The following PTPRJ variants were observed in gnomAD, a reference collection of about 807,000 sequenced individuals.
PTPRJ encodes the protein protein tyrosine phosphatase receptor type J.
Under a neutral mutation model 141.3 loss-of-function variants are expected in PTPRJ, and 129 were observed. The ratio of observed to expected loss-of-function variants is 0.91; its 90% CI spans 0.79 to 1.06. The LOEUF (loss-of-function observed/expected upper bound fraction) is 1.06. PTPRJ is among the 50% of genes least tolerant of loss of function. PTPRJ has a pLI of 0.00. For synonymous variants in PTPRJ, 610 were observed against 640.5 expected (o/e 0.95, Z 0.72); for missense variants, 1,601 against 1,679.7 (o/e 0.95, Z 0.82).
At chr11:48,146,823 G>A (rs1206224383) in intron 14 of PTPRJ, 53 bp from the exon 15 acceptor site, 18 of 1,475,670 alleles carry the variant, frequency 1.2e-5, no homozygotes, top group Admixed American at 1.7e-5. Flanking sequence ...TTAGCACATT[G>A]TGTGGTCTGC....
chr11:48,132,466 G>A, intron 8 of PTPRJ: 4 of 983,210 alleles, frequency 4.1e-6, no homozygotes, highest in Non-Finnish European at 4.8e-6. Flanking sequence ...GTTCATTATT[G>A]TTGTTTTAAA....
Position 48,156,055 on chromosome 11 carries a change from G to C in PTPRJ, c.3374G>C (p.Arg1125Pro), listed in dbSNP as rs374260795. 1.2e-6 allele frequency: 2 copies of C among 1,601,858 alleles called. No homozygotes were observed. Among genetic ancestry groups the C allele is most frequent in the Non-Finnish European group, 1.7e-6 (2 of 1,168,864 alleles). ...CCGAACACTTTGAAAGATTTTTGGC[G>C]TATGGTTTGGGAGAAAAATGTATAT... is the stretch of plus-strand genomic sequence containing the variant. ...PLPNTLKDFWRMVWEKNVYAI... is the reference protein window; with the variant it reads ...PLPNTLKDFWPMVWEKNVYAI... Residue 1125 changes from arginine (R) to proline (P), a missense_variant, in exon 21 of 25, where the codon CGT becomes CCT. Transcript: ENST00000418331.
chr11:48,004,760 T>TG (rs984340755), intron 1 of PTPRJ, among the ~76,000 whole-genome samples: 7 of 152,294 alleles, frequency 4.6e-5, no homozygotes, highest in African/African-American at 1.7e-4. Context: ...GGAGGATGCC[T>TG]GCGTGATTTA....
intron 1 of PTPRJ, among the ~76,000 whole-genome samples, chr11:48,056,484 TATC>T (rs1231306746): frequency 1.3e-5 from 2 of 152,216 alleles, no homozygotes; most frequent in Non-Finnish European, 2.9e-5. Context: ...TGGCAGCTAT[TATC>T]TTAACTATTA....
In PTPRJ at chr11:47,980,688, C is replaced by A; in HGVS notation, c.-225C>A. 1.0e-6 allele frequency: 1 copy of A among 989,856 alleles called. No homozygotes were observed. The highest frequency in any genetic ancestry group is 1.2e-6 in the Non-Finnish European group (1 of 834,280). 61.3% of individuals were successfully genotyped at this position (989,856 alleles called of 1,614,324 possible). On this transcript the variant is annotated 5_prime_UTR_variant, in exon 1 of 25. Coordinates refer to ENST00000418331, the MANE Select transcript of PTPRJ (RefSeq NM_002843.4). ...AGCCCCTGCGCGCTCAGGGACGCGG[C>A]CCCCCCGCGGCAGCCGCGCTAGGCT...
At chr11:48,120,540 C>G (rs1856679497) in intron 3 of PTPRJ, among the ~76,000 whole-genome samples, 1 of 152,142 alleles carries the variant, frequency 6.6e-6, no homozygotes, top group Non-Finnish European at 1.5e-5. Flanking sequence ...ATTCTACTGC[C>G]TCAGCCTCCC....
chr11:47,989,299 T>C (rs1854131334), intron 1 of PTPRJ, among the ~76,000 whole-genome samples: 2 of 150,770 alleles, frequency 1.3e-5, no homozygotes, highest in Admixed American at 1.3e-4. Flanking sequence ...AGAGTTTTGC[T>C]CTTGTTGTTC....
intron 8 of PTPRJ, chr11:48,132,757 A>G: frequency 1.0e-6 from 1 of 963,418 alleles, no homozygotes; most frequent in Non-Finnish European, 1.2e-6. Context: ...GAAATGAGTT[A>G]CGCTTTTGAG....
chr11:48,060,206 T>C lies in PTPRJ; in HGVS notation c.97-49852T>C, dbSNP rs1042574163. On this transcript the variant is annotated intron_variant, in intron 1 of 24. Coordinates refer to ENST00000418331, the MANE Select transcript of PTPRJ (RefSeq NM_002843.4). ...AGTAAAATTTAAAGTGATTGGGGGC[T>C]ATGGTTACTGAGAATTCAAGAGGTA... 2.6e-5 allele frequency among the ~76,000 whole-genome samples: 4 copies of C among 152,230 alleles called. No individual in the cohort carries two copies. In the South Asian group the frequency reaches 8.3e-4, roughly 32 times the overall value.
At chr11:48,057,929 T>C (rs1304090728) in intron 1 of PTPRJ, among the ~76,000 whole-genome samples, 1 of 151,912 alleles carries the variant, frequency 6.6e-6, no homozygotes, top group Non-Finnish European at 1.5e-5. Flanking sequence ...TTTTTTCTTT[T>C]GAGACCAAGT....
intron 1 of PTPRJ, among the ~76,000 whole-genome samples, chr11:47,993,276 G>A (rs907896772): frequency 6.6e-6 from 1 of 152,062 alleles, no homozygotes; most frequent in Non-Finnish European, 1.5e-5. Context: ...TAACACTACT[G>A]CATTTGTAGT....
chr11:47,982,684 T>TTA (rs994616081), intron 1 of PTPRJ, among the ~76,000 whole-genome samples: 9 of 150,896 alleles, frequency 6.0e-5, no homozygotes, highest in Admixed American at 1.3e-4. Context: ...AAATTTTAAA[T>TTA]TATATATATA....
intron 1 of PTPRJ, among the ~76,000 whole-genome samples, chr11:48,027,429 G>T (rs1304205728): frequency 1.3e-5 from 2 of 151,932 alleles, no homozygotes. Context: ...ATATGGATGG[G>T]GCTAGAATCT....
Position 47,980,932 on chromosome 11 carries a change from A to T in PTPRJ, c.20A>T (p.Glu7Val). 2 of 1,173,386 alleles carry T rather than the reference A, an allele frequency of 1.7e-6. No homozygotes were observed. The highest frequency in any genetic ancestry group is 4.2e-5 in the South Asian group (1 of 23,664). 72.7% of individuals were successfully genotyped at this position (1,173,386 alleles called of 1,614,324 possible). The change falls in exon 1 of 25, where the codon GAG becomes GTG. Residue 7 changes from glutamate (E) to valine (V), a missense_variant. Physicochemically the swap from Glu to Val is moderately radical, Grantham distance 121. Transcript: ENST00000418331. The part of the protein sequence containing the change: MKPAAR[E>V]ARLPPRSPGL... ...CGGGGCATGAAGCCGGCGGCGCGGG[A>T]GGCGCGGCTGCCTCCGCGCTCGCCC...
intron 18 of PTPRJ, among the ~76,000 whole-genome samples, chr11:48,150,896 C>T (rs534195396): frequency 6.6e-6 from 1 of 152,342 alleles, no homozygotes; most frequent in East Asian, 1.9e-4. Context: ...CTGCTTCCTC[C>T]ATGGGCATTC....
At chr11:47,997,395 G>A (rs573779035) in intron 1 of PTPRJ, among the ~76,000 whole-genome samples, 5 of 152,224 alleles carry the variant, frequency 3.3e-5, no homozygotes, top group Non-Finnish European at 5.9e-5. Context: ...CCGTGAGACC[G>A]TAGGTCTAAA....
At chr11:48,096,458 G>A (rs1181719655) in intron 1 of PTPRJ, among the ~76,000 whole-genome samples, 1 of 152,126 alleles carries the variant, frequency 6.6e-6, no homozygotes, top group Non-Finnish European at 1.5e-5. Context: ...ACAGGGCATC[G>A]GAGGGAGACA....
chr11:48,084,882 G>A lies in PTPRJ; in HGVS notation c.97-25176G>A, dbSNP rs538903958. 7.2e-5 allele frequency among the ~76,000 whole-genome samples: 11 copies of A among 152,164 alleles called. No homozygotes were observed. In the South Asian group the frequency reaches 2.3e-3, roughly 32 times the overall value. Reference sequence around the variant, plus strand: ...AAGTGCAGTGGATACATTATAAATTGTACAATTATTTGTAATTAAAAAAAG... The same window carrying A: ...AAGTGCAGTGGATACATTATAAATTATACAATTATTTGTAATTAAAAAAAG... On this transcript the variant is annotated intron_variant, in intron 1 of 24. Transcript: ENST00000418331.
At chr11:48,130,298 AGTTTC>A (rs1216828507) in intron 7 of PTPRJ, among the ~76,000 whole-genome samples, 156 bp from the exon 8 acceptor site, 2 of 152,096 alleles carry the variant, frequency 1.3e-5, no homozygotes, top group Non-Finnish European at 2.9e-5. Context: ...CAGAAACAGC[AGTTTC>A]TGAGGGGCTC....
Sources: gnomAD v4.1 joint callset for allele counts (sites outside exome capture counted in the v4.1 genomes callset) on GRCh38, gnomAD v4.1.1 for gene constraint, MANE v1.5 for transcripts, NCBI Gene and HGNC (gene_info 2026-07-23, HGNC 2026-07-21) for gene names.